ADCY9: variants seen among roughly 807,000 people sequenced by gnomAD.
ADCY9 encodes adenylate cyclase type 9.
A neutral mutation model predicts 101.5 loss-of-function variants in ADCY9; 50 were observed. That is an observed-to-expected ratio of 0.49 (90% CI 0.39 to 0.62). The LOEUF is 0.62. ADCY9 is among the 20% of genes least tolerant of loss of function. The probability of loss-of-function intolerance (pLI) is 0.00; values close to 1 mark genes in which losing one functional copy is unlikely to be tolerated. For missense variants in ADCY9, 1,662 were observed against 1,800.4 expected (o/e 0.92, Z 1.39); for synonymous variants, 905 against 769.3 (o/e 1.18, Z -2.92).
In ADCY9 at chr16:3,966,879, G is replaced by T; in HGVS notation, c.2958C>A (p.Phe986Leu). 6.2e-7 allele frequency: 1 copy of T among 1,614,176 alleles called. No homozygotes were observed. The highest frequency in any genetic ancestry group is 8.5e-7 in the Non-Finnish European group (1 of 1,180,040). ...ACCAGACCAACAAGAGCAGGAGAAAGAAGACGAGAACCACCTCCTGGCCGA... is the reference window on the plus strand; with the variant it reads ...ACCAGACCAACAAGAGCAGGAGAAATAAGACGAGAACCACCTCCTGGCCGA... ...SLIGQEVVLVFFLLLLLVWFL... is the reference protein window; with the variant it reads ...SLIGQEVVLVLFLLLLLVWFL... Residue 986 changes from phenylalanine (F) to leucine (L), a missense_variant, in exon 11 of 11, where the codon TTC becomes TTA. Phe to Leu is a conservative substitution (Grantham distance 22). This residue lies in a region of ADCY9 where 624 missense variants were observed against 639.1 expected (regional missense o/e 0.98). Coordinates refer to ENST00000294016, the MANE Select transcript of ADCY9 (RefSeq NM_001116.4).
intron 4 of ADCY9, 156 bp downstream of exon 4, chr16:3,993,250 C>A (rs571289383): frequency 1.5e-6 from 2 of 1,344,868 alleles, no homozygotes; most frequent in Non-Finnish European, 1.0e-6. Context: ...GAGCTCCCTG[C>A]CGGTCTCTTC....
At chr16:3,967,104 T>A in intron 10 of ADCY9, 138 bp from the exon 11 acceptor site, 1 of 689,152 alleles carries the variant, frequency 1.5e-6, no homozygotes, top group Non-Finnish European at 2.5e-6. Flanking sequence ...CATTCCTGGT[T>A]TGGGCTGGCT....
chr16:4,048,068 A>T (rs1315877714), intron 2 of ADCY9, among the ~76,000 whole-genome samples: 2 of 130,762 alleles, frequency 1.5e-5, no homozygotes, highest in Non-Finnish European at 3.1e-5. Context: ...TGAACAAAAC[A>T]GGTCCTAGTC....
intron 7 of ADCY9, among the ~76,000 whole-genome samples, chr16:3,980,121 C>T (rs1433321431): frequency 6.6e-6 from 1 of 152,262 alleles, no homozygotes; most frequent in Non-Finnish European, 1.5e-5. Context: ...CTGGCGGCTT[C>T]AGGACTCTCC....
In ADCY9 at chr16:4,115,450, A is replaced by T. The variant is rs1464837800; in HGVS notation, c.-8T>A. On this transcript the variant is annotated 5_prime_UTR_variant, in exon 2 of 11. Coordinates refer to ENST00000294016, the MANE Select transcript of ADCY9 (RefSeq NM_001116.4). The surrounding 1 kb of genome is among the most constrained non-coding windows in gnomAD (Gnocchi z 6.2). The stretch of plus-strand genomic sequence containing the variant: ...GTGGGGTGGGGAAGCCATGTTGTCG[A>T]GTCCCGGGGCCTGCCCCGGCCGGGG... The T allele has an allele frequency of 6.5e-7, 1 of 1,532,524 alleles. No homozygotes were observed. The highest frequency in any genetic ancestry group is 2.4e-5 in the East Asian group (1 of 41,140). 94.9% of individuals were successfully genotyped at this position (1,532,524 alleles called of 1,614,324 possible).
intron 10 of ADCY9, among the ~76,000 whole-genome samples, chr16:3,973,003 T>C (rs1027666421): frequency 6.6e-6 from 1 of 152,220 alleles, no homozygotes; most frequent in Non-Finnish European, 1.5e-5. Flanking sequence ...TCATTCATTA[T>C]ATCCTAAGTA....
chr16:4,091,872 G>A (rs1046368501), intron 2 of ADCY9, among the ~76,000 whole-genome samples: 24 of 152,186 alleles, frequency 1.6e-4, no homozygotes, highest in African/African-American at 4.6e-4. Context: ...AAAACGCTTC[G>A]GAATTAGACC....
At chr16:4,044,139 G>A (rs997520135) in intron 2 of ADCY9, among the ~76,000 whole-genome samples, 6 of 152,126 alleles carry the variant, frequency 3.9e-5, no homozygotes, top group Non-Finnish European at 8.8e-5. Context: ...CTGAGATCAG[G>A]AGTTCGACAC....
At chr16:3,995,907 C>A (rs1341648289) in intron 3 of ADCY9, among the ~76,000 whole-genome samples, 1 of 152,122 alleles carries the variant, frequency 6.6e-6, no homozygotes, top group Non-Finnish European at 1.5e-5. Flanking sequence ...CTAGCGAAAT[C>A]ATTAATTAAC....
intron 2 of ADCY9, among the ~76,000 whole-genome samples, chr16:4,067,093 T>G (rs968717855): frequency 7.9e-5 from 12 of 151,880 alleles, no homozygotes; most frequent in African/African-American, 2.9e-4. Context: ...TTTTAAGAAC[T>G]GAAATAACTT....
Position 3,966,490 on chromosome 16 carries a change from G to A in ADCY9, c.3347C>T (p.Ala1116Val), listed in dbSNP as rs773073326. 36 of 1,613,938 alleles carry A rather than the reference G, an allele frequency of 2.2e-5. No individual in the cohort carries two copies. Among genetic ancestry groups the A allele is most frequent in the Admixed American group, 3.3e-5 (2 of 59,996 alleles). The change falls in exon 11 of 11, where the codon GCG (alanine) becomes GTG (valine). Residue 1116 changes from alanine to valine, a missense_variant. Ala to Val is a moderately conservative substitution (Grantham distance 64). Coordinates refer to ENST00000294016, the MANE Select transcript of ADCY9 (RefSeq NM_001116.4). Reference protein sequence around the residue: ...KIKTIGATYMAASGLNTAQAQ... With the variant: ...KIKTIGATYMVASGLNTAQAQ... ...CTGCGCGGTGTTCAGCCCTGACGCC[G>A]CCATGTACGTGGCTCCGATGGTCTT...
intron 5 of ADCY9, among the ~76,000 whole-genome samples, chr16:3,954,353 T>C (rs996823716): frequency 1.3e-4 from 20 of 151,898 alleles, no homozygotes; most frequent in Non-Finnish European, 2.9e-4. Context: ...TGGGATTGGG[T>C]GGGGCTCTCT....
chr16:4,082,760 A>G (rs116154823), intron 2 of ADCY9, among the ~76,000 whole-genome samples: 143 of 152,206 alleles, frequency 9.4e-4, no homozygotes, highest in African/African-American at 3.3e-3. Flanking sequence ...ACGCACACAC[A>G]CCATGCATGC....
At chr16:4,068,644 C>A (rs1050002206) in intron 2 of ADCY9, among the ~76,000 whole-genome samples, 2 of 151,902 alleles carry the variant, frequency 1.3e-5, no homozygotes, top group African/African-American at 4.8e-5. Flanking sequence ...GAAACCCCGT[C>A]TCTACTAAAA....
intron 2 of ADCY9, among the ~76,000 whole-genome samples, chr16:4,015,113 T>G (rs2056429792): frequency 6.6e-6 from 1 of 151,742 alleles, no homozygotes; most frequent in Admixed American, 6.6e-5. Flanking sequence ...CTAATTTTTT[T>G]TGTATTTTTA....
intron 2 of ADCY9, among the ~76,000 whole-genome samples, chr16:4,087,054 T>C (rs1341984041): frequency 1.3e-5 from 2 of 152,072 alleles, no homozygotes; most frequent in Non-Finnish European, 2.9e-5. Flanking sequence ...TCCATTCTGA[T>C]ACTGCGCCCT....
In ADCY9 at chr16:4,114,738, A is replaced by G; in HGVS notation, c.705T>C (p.Tyr235=). 6.2e-7 allele frequency: 1 copy of G among 1,613,174 alleles called. No individual in the cohort carries two copies. ...SMCIEVLFLL[Y]TVMHLPLYLS... ...GGTACAAAGGTAAGTGCATGACGGT[A>G]TAGAGCAAAAAGAGCACTTCGATGC... Residue 235 remains tyrosine (Y), a synonymous_variant, in exon 2 of 11, where the codon TAT becomes TAC. Transcript: ENST00000294016. The surrounding 1 kb of genome is among the most constrained non-coding windows in gnomAD (Gnocchi z 4.3).
chr16:4,078,169 C>T (rs921353976), intron 2 of ADCY9, among the ~76,000 whole-genome samples: 21 of 152,152 alleles, frequency 1.4e-4, no homozygotes, highest in African/African-American at 4.3e-4. Flanking sequence ...TATACATCCA[C>T]GGAAGACTTG....
At chr16:4,085,548 C>G (rs1345018126) in intron 2 of ADCY9, among the ~76,000 whole-genome samples, 13 of 152,114 alleles carry the variant, frequency 8.5e-5, no homozygotes. Flanking sequence ...AAAGGGGAGG[C>G]TCCCAAGAGC....
Sources: allele counts gnomAD v4.1 joint callset (sites outside exome capture counted in the v4.1 genomes callset), GRCh38; gene constraint gnomAD v4.1.1; regional missense constraint gnomAD v4.1.1; non-coding constraint Gnocchi (gnomAD v3.1); transcripts MANE v1.5; gene names NCBI Gene and HGNC (gene_info 2026-07-23, HGNC 2026-07-21).